MYO5A: variants seen among roughly 807,000 people sequenced by gnomAD.
MYO5A encodes myosin VA, also known as unconventional myosin-Va.
In MYO5A, 98 loss-of-function variants were observed where a neutral mutation model predicts 249.7. The ratio of observed to expected loss-of-function variants is 0.39; its 90% CI spans 0.33 to 0.46. The LOEUF is 0.46. MYO5A is among the 20% of genes least tolerant of loss of function. MYO5A has a pLI of 0.98. For missense variants in MYO5A, 1,696 were observed against 2,308.8 expected (o/e 0.73, Z 5.44); for synonymous variants, 778 against 810.6 (o/e 0.96, Z 0.68).
At chr15:52,343,243 G>A in intron 30 of MYO5A, 46 bp from the exon 31 acceptor site, 1 of 1,493,256 alleles carries the variant, frequency 6.7e-7, no homozygotes, top group East Asian at 2.3e-5. Context: ...AAGGATACAG[G>A]ATGCTGATGA....
chr15:52,359,732 AAAAATT>A (rs2040423280), intron 25 of MYO5A, among the ~76,000 whole-genome samples: 2 of 152,396 alleles, frequency 1.3e-5, no homozygotes, highest in East Asian at 3.8e-4. Flanking sequence ...AAATTGCATT[AAAAATT>A]AAAATTAAAA....
intron 4 of MYO5A, among the ~76,000 whole-genome samples, chr15:52,423,054 G>A (rs751808655): frequency 7.2e-5 from 11 of 152,238 alleles, no homozygotes; most frequent in African/African-American, 1.4e-4. Context: ...GCCTGACTTC[G>A]TGGGGTAGGA....
chr15:52,321,528 G>A lies in MYO5A; in HGVS notation c.4801-19C>T, dbSNP rs1454754530. On this transcript the variant is annotated intron_variant, in intron 37 of 41. Transcript: ENST00000399233. ...TAAAGCCCTAGAGTCATAAGGCAAA[G>A]TTAATGATACACATGAAGTAACCTG... is the stretch of plus-strand genomic sequence containing the variant. 6.2e-7 allele frequency: 1 copy of A among 1,613,484 alleles called. No homozygotes were observed. Among genetic ancestry groups the A allele is most frequent in the Non-Finnish European group, 8.5e-7 (1 of 1,179,488 alleles).
intron 34 of MYO5A, 136 bp from the exon 35 acceptor site, chr15:52,330,635 A>G: frequency 9.7e-7 from 1 of 1,028,324 alleles, no homozygotes; most frequent in African/African-American, 1.6e-5. Flanking sequence ...GCCTTCTCTT[A>G]AAATAATTTT....
chr15:52,521,056 C>T (rs1408221353), intron 1 of MYO5A, among the ~76,000 whole-genome samples: 1 of 152,008 alleles, frequency 6.6e-6, no homozygotes, highest in African/African-American at 2.4e-5. Context: ...TGTGAAACCC[C>T]ATCGCTACTA....
At chr15:52,346,482 T>C in intron 29 of MYO5A, 21 bp from the exon 30 acceptor site, 2 of 1,425,584 alleles carry the variant, frequency 1.4e-6, no homozygotes, top group East Asian at 2.3e-5. Flanking sequence ...AATAACACAT[T>C]TACGCATTAA....
chr15:52,460,253 G>A (rs1038316164), intron 1 of MYO5A, among the ~76,000 whole-genome samples: 1 of 152,244 alleles, frequency 6.6e-6, no homozygotes, highest in African/African-American at 2.4e-5. Flanking sequence ...GTGGCGGCCG[G>A]GCAGAGGCTG....
rs937360988 is a variant in MYO5A at position 52,389,140 on chromosome 15, C to T, written c.1668+98G>A. ...GCTGTCCCTTGAGCCCTAAAGAATGCAAACATCAGCAAAAGAAAAAAAAAG... is the reference window on the plus strand; with the variant it reads ...GCTGTCCCTTGAGCCCTAAAGAATGTAAACATCAGCAAAAGAAAAAAAAAG... On this transcript the variant is annotated intron_variant, in intron 13 of 41. Transcript: ENST00000399233. The T allele has an allele frequency of 3.8e-6, 5 of 1,318,088 alleles. No individual in the cohort carries two copies. The African/African-American group carries it at 6.0e-5, about 16-fold the overall frequency. The allele number at this position is 1,318,088 out of a possible 1,614,324, so 81.6% of individuals were successfully genotyped here.
chr15:52,522,028 T>C (rs111321361), intron 1 of MYO5A, among the ~76,000 whole-genome samples: 9 of 152,278 alleles, frequency 5.9e-5, no homozygotes, highest in African/African-American at 2.2e-4. Context: ...CCACTGAAAA[T>C]GAAACTCCAC....
chr15:52,379,526 T>C (rs1038508860), intron 18 of MYO5A, 99 bp downstream of exon 18: 64 of 990,816 alleles, frequency 6.5e-5, no homozygotes, highest in Non-Finnish European at 9.5e-5. Flanking sequence ...CCCGAAATGA[T>C]CTGGACTAGT....
At chr15:52,380,004 C>CA in intron 16 of MYO5A, 96 bp from the exon 17 acceptor site, 1 of 1,186,868 alleles carries the variant, frequency 8.4e-7, no homozygotes. Context: ...TTCGTAAGAG[C>CA]AAAATGGATA....
At chr15:52,470,220 T>C (rs544218713) in intron 1 of MYO5A, among the ~76,000 whole-genome samples, 1 of 152,300 alleles carries the variant, frequency 6.6e-6, no homozygotes, top group East Asian at 1.9e-4. Flanking sequence ...GCTTAAAGGT[T>C]CTTATGACCC....
chr15:52,508,439 C>T (rs1225458549), intron 1 of MYO5A, among the ~76,000 whole-genome samples: 2 of 151,430 alleles, frequency 1.3e-5, no homozygotes, highest in East Asian at 3.9e-4. Context: ...AAAGGCATCA[C>T]AACACACAAT....
At chr15:52,347,638 A>T (rs1028158926) in intron 29 of MYO5A, among the ~76,000 whole-genome samples, 3 of 152,132 alleles carry the variant, frequency 2.0e-5, no homozygotes, top group African/African-American at 7.2e-5. Context: ...TGTGTATTTT[A>T]AAAATCCTTA....
At position 52,375,374 on chromosome 15, in the gene MYO5A, A is replaced by T; in HGVS notation, c.2507T>A (p.Ile836Asn). Residue 836 changes from isoleucine to asparagine, a missense_variant, in exon 20 of 42, where the codon ATT becomes AAT. Ile to Asn is a moderately radical substitution (Grantham distance 149). Around this residue, in one of 5 missense-constraint regions of MYO5A, gnomAD observed 412 missense variants for 453.3 expected, o/e 0.91. Coordinates refer to ENST00000399233, the MANE Select transcript of MYO5A (RefSeq NM_001382347.1). Reference protein sequence around the residue: ...RMYVVRRRYKIRRAATIVLQS... With the variant: ...RMYVVRRRYKNRRAATIVLQS... ...AAGAACGATAGTGGCAGCTCGTCTA[A>T]TCTTGTACCTCCTGCGGACCACATA... 6.2e-7 allele frequency: 1 copy of T among 1,614,170 alleles called. No homozygotes were observed. Among genetic ancestry groups the T allele is most frequent in the Non-Finnish European group, 8.5e-7 (1 of 1,180,014 alleles).
chr15:52,496,070 T>C (rs897470609), intron 1 of MYO5A, among the ~76,000 whole-genome samples: 2 of 135,728 alleles, frequency 1.5e-5, no homozygotes, highest in East Asian at 4.4e-4. Flanking sequence ...ACTTAAAGTA[T>C]AATTTTTAAA....
chr15:52,385,619 GAA>G (rs11287342), intron 14 of MYO5A, among the ~76,000 whole-genome samples: 1 of 151,610 alleles, frequency 6.6e-6, no homozygotes, highest in Non-Finnish European at 1.5e-5. Context: ...GAGGCTGCAG[GAA>G]AAAAAAAGAC....
In MYO5A at chr15:52,405,313, G is replaced by C; in HGVS notation, c.1027C>G (p.Arg343Gly). The C allele has an allele frequency of 6.2e-7, 1 of 1,613,258 alleles. No individual in the cohort carries two copies. Among genetic ancestry groups the C allele is most frequent in the Non-Finnish European group, 8.5e-7 (1 of 1,179,288 alleles). ...LHLGNVGFTS[R>G]DADSCTIPPK... is the part of the protein sequence containing the mutation. ...GGTATTGTGCAGCTGTCTGCATCTCGGGATGTAAATCCAACATTGCCTAAG... is the reference window on the plus strand; with the variant it reads ...GGTATTGTGCAGCTGTCTGCATCTCCGGATGTAAATCCAACATTGCCTAAG... Residue 343 changes from arginine to glycine, a missense_variant, in exon 9 of 42, where the codon CGA (arginine) becomes GGA (glycine). Physicochemically the swap from Arg to Gly is moderately radical, Grantham distance 125. Coordinates refer to ENST00000399233, the MANE Select transcript of MYO5A (RefSeq NM_001382347.1).
chr15:52,448,280 T>C (rs897306226), intron 1 of MYO5A, among the ~76,000 whole-genome samples: 1 of 152,222 alleles, frequency 6.6e-6, no homozygotes, highest in Non-Finnish European at 1.5e-5. Context: ...TTAATGACTG[T>C]CCTGCTGGGA....
Sources: allele counts gnomAD v4.1 joint callset (sites outside exome capture counted in the v4.1 genomes callset), GRCh38; gene constraint gnomAD v4.1.1; regional missense constraint gnomAD v4.1.1; transcripts MANE v1.5; gene names NCBI Gene and HGNC (gene_info 2026-07-23, HGNC 2026-07-21).